Variants in ZNF407 observed in about 807,000 individuals in gnomAD.
ZNF407 encodes the protein zinc finger protein 407.
ZNF407 carries 17 observed loss-of-function variants against 131.2 expected under a neutral mutation model. The ratio of observed to expected loss-of-function variants is 0.13; its 90% CI spans 0.09 to 0.19. The LOEUF (loss-of-function observed/expected upper bound fraction) is 0.19. ZNF407 is among the 10% of genes least tolerant of loss of function. ZNF407 has a pLI of 1.00. For synonymous variants in ZNF407, 1,156 were observed against 1,062.0 expected (o/e 1.09, Z -1.72); for missense variants, 2,681 against 2,830.6 (o/e 0.95, Z 1.20).
At chr18:74,999,348 TAAAAAAAAAA>T (rs71170334) in intron 8 of ZNF407, among the ~76,000 whole-genome samples, 632 of 60,498 alleles carry the variant, frequency 0.01, 5 homozygotes, top group African/African-American at 0.03. Flanking sequence ...TAGAGTATAA[TAAAAAAAAAA>T]AAAAAAAAAA....
intron 8 of ZNF407, among the ~76,000 whole-genome samples, chr18:74,957,850 G>A (rs1972294185): frequency 6.6e-6 from 1 of 152,212 alleles, no homozygotes; most frequent in South Asian, 2.1e-4. Context: ...TACTCAACAA[G>A]CGGCAGCCCT....
chr18:74,631,917 A>C lies in ZNF407; in HGVS notation c.898A>C (p.Asn300His). 1.9e-6 allele frequency: 3 copies of C among 1,613,974 alleles called. No individual in the cohort carries two copies. The highest frequency in any genetic ancestry group is 2.5e-6 in the Non-Finnish European group (3 of 1,179,896). Residue 300 changes from asparagine (N) to histidine (H), a missense_variant, in exon 2 of 9, where the codon AAT becomes CAT. Around this residue, in one of 6 missense-constraint regions of ZNF407, gnomAD observed 1,789 missense variants for 1,748.7 expected, o/e 1.02. Coordinates refer to ENST00000299687, the MANE Select transcript of ZNF407 (RefSeq NM_017757.3). ...PKKSRTMATKNVHSKPRTSKS... is the reference protein window; with the variant it reads ...PKKSRTMATKHVHSKPRTSKS... ...AAAATCACGTACAATGGCAACAAAA[A>C]ATGTTCACTCAAAACCAAGAACTTC... is the stretch of plus-strand genomic sequence containing the variant.
rs557127460 is a variant in ZNF407 at position 74,645,551 on chromosome 18, A to T, written c.4802+4429A>T. On this transcript the variant is annotated intron_variant, in intron 3 of 8. Coordinates refer to ENST00000299687, the MANE Select transcript of ZNF407 (RefSeq NM_017757.3). ...ATGAAAAGATTCCAGACATTTTAAAATTGTGTATTAATGTGCTTATGAACT... is the reference window on the plus strand; with the variant it reads ...ATGAAAAGATTCCAGACATTTTAAATTTGTGTATTAATGTGCTTATGAACT... Among the ~76,000 whole-genome samples the T allele has an allele frequency of 2.6e-5, 4 of 152,100 alleles. No individual in the cohort carries two copies. The East Asian group carries it at 7.7e-4, about 29-fold the overall frequency.
At chr18:75,037,656 A>C (rs1973325169) in intron 8 of ZNF407, among the ~76,000 whole-genome samples, 1 of 152,040 alleles carries the variant, frequency 6.6e-6, no homozygotes, top group Non-Finnish European at 1.5e-5. Flanking sequence ...TTTACAGTAC[A>C]CCAAGGTAAT....
intron 4 of ZNF407, among the ~76,000 whole-genome samples, chr18:74,837,427 T>C (rs1162472045): frequency 6.6e-6 from 1 of 151,386 alleles, no homozygotes; most frequent in Non-Finnish European, 1.5e-5. Context: ...CAATACTAGA[T>C]GTGAAATAAT....
intron 3 of ZNF407, among the ~76,000 whole-genome samples, chr18:74,705,669 T>C (rs1967608091): frequency 6.6e-6 from 1 of 152,234 alleles, no homozygotes; most frequent in Non-Finnish European, 1.5e-5. Flanking sequence ...TTTTTTGTCC[T>C]TTATTAACGA....
intron 3 of ZNF407, among the ~76,000 whole-genome samples, chr18:74,765,652 T>A (rs11150927): frequency 0.79 from 120,252 of 152,056 alleles, 50,860 homozygotes; most frequent in Non-Finnish European, 0.93. Flanking sequence ...TATATATGTG[T>A]CTTGATCAAT....
intron 4 of ZNF407, among the ~76,000 whole-genome samples, chr18:74,789,152 A>G (rs569384070): frequency 6.6e-6 from 1 of 152,184 alleles, no homozygotes; most frequent in African/African-American, 2.4e-5. Flanking sequence ...TTTCGTAGGT[A>G]TAAGATTGAG....
At chr18:74,901,685 G>A (rs3992091) in intron 7 of ZNF407, among the ~76,000 whole-genome samples, 89,803 of 125,904 alleles carry the variant, frequency 0.71, 28,917 homozygotes, top group Non-Finnish European at 0.78. Flanking sequence ...ATTTTTAATT[G>A]CTTCCTTCCA....
At chr18:74,818,067 T>C (rs1228708682) in intron 4 of ZNF407, among the ~76,000 whole-genome samples, 1 of 152,210 alleles carries the variant, frequency 6.6e-6, no homozygotes, top group Non-Finnish European at 1.5e-5. Context: ...TTTATCCAAG[T>C]GTAAATGTGT....
At chr18:74,995,996 T>G (rs1972776059) in intron 8 of ZNF407, among the ~76,000 whole-genome samples, 1 of 152,244 alleles carries the variant, frequency 6.6e-6, no homozygotes, top group Non-Finnish European at 1.5e-5. Context: ...GCTTTTAAAG[T>G]AAATTCTTTC....
chr18:74,624,646 A>G (rs533967420), intron 1 of ZNF407, among the ~76,000 whole-genome samples: 4 of 152,264 alleles, frequency 2.6e-5, no homozygotes, highest in South Asian at 2.1e-4. Context: ...AGCTCTTAAT[A>G]TGGAGCCTTC....
At chr18:74,730,512 G>T (rs908292039) in intron 3 of ZNF407, among the ~76,000 whole-genome samples, 1 of 152,160 alleles carries the variant, frequency 6.6e-6, no homozygotes, top group African/African-American at 2.4e-5. Flanking sequence ...ACAAATGCTT[G>T]TGTCTCTGTA....
At chr18:74,949,046 AAAAC>A (rs2145277157) in intron 8 of ZNF407, among the ~76,000 whole-genome samples, 1 of 152,366 alleles carries the variant, frequency 6.6e-6, no homozygotes, top group East Asian at 1.9e-4. Context: ...TCCACTTACA[AAAAC>A]AAACAGAGAA....
rs529752520 is a variant in ZNF407 at position 74,635,937 on chromosome 18, T to G, written c.4687+231T>G. Among the ~76,000 whole-genome samples, 2 of 152,186 alleles carry G rather than the reference T, an allele frequency of 1.3e-5. No homozygotes were observed. The highest frequency in any genetic ancestry group is 2.9e-5 in the Non-Finnish European group (2 of 68,028). On this transcript the variant is annotated intron_variant, in intron 2 of 8. Coordinates refer to ENST00000299687, the MANE Select transcript of ZNF407 (RefSeq NM_017757.3). The surrounding 1 kb of genome is among the most constrained non-coding windows in gnomAD (Gnocchi z 4.7). Reference sequence around the variant, plus strand: ...GTTAGCTGACAAGTTTCTTTTAATTTTGTCAAAAAGCCTAGTCCCTCTGAT... The same window carrying G: ...GTTAGCTGACAAGTTTCTTTTAATTGTGTCAAAAAGCCTAGTCCCTCTGAT...
At chr18:74,765,327 G>A (rs1483460802) in intron 3 of ZNF407, among the ~76,000 whole-genome samples, 1 of 151,940 alleles carries the variant, frequency 6.6e-6, no homozygotes, top group East Asian at 1.9e-4. Context: ...TGCATGCCTG[G>A]TAATTTTTTC....
rs761896485 is a variant in ZNF407, at chr18:74,920,571, A to G, written c.5307A>G (p.Gly1769=). The G allele has an allele frequency of 1.6e-5, 26 of 1,600,940 alleles. No homozygotes were observed. Among genetic ancestry groups the G allele is most frequent in the Non-Finnish European group, 2.1e-5 (25 of 1,169,342 alleles). ...KHILHTGKHE[G]VKMYNCPKCD... ...TTCTGCATACTGGCAAACATGAAGG[A>G]GTCAAGATGTACAACTGTCCCAAGT... Residue 1769 remains glycine (G), a synonymous_variant, in exon 8 of 9, where the codon GGA becomes GGG. Transcript: ENST00000299687.
At chr18:74,785,868 G>A (rs578192146) in intron 4 of ZNF407, among the ~76,000 whole-genome samples, 3 of 143,224 alleles carry the variant, frequency 2.1e-5, no homozygotes, top group South Asian at 4.6e-4. Context: ...TGGCACACAC[G>A]TCACTCACAT....
intron 3 of ZNF407, among the ~76,000 whole-genome samples, chr18:74,753,494 T>C (rs1197447373): frequency 6.6e-6 from 1 of 152,218 alleles, no homozygotes; most frequent in Non-Finnish European, 1.5e-5. Context: ...GCTGTGGGTT[T>C]GTCATAAATA....
Sources: gnomAD v4.1 joint callset for allele counts (sites outside exome capture counted in the v4.1 genomes callset) on GRCh38, gnomAD v4.1.1 for gene constraint, gnomAD v4.1.1 regional missense constraint, Gnocchi (gnomAD v3.1) non-coding constraint, MANE v1.5 for transcripts, NCBI Gene and HGNC (gene_info 2026-07-23, HGNC 2026-07-21) for gene names.